Variants in CLEC20A observed in about 807,000 individuals in gnomAD.
The protein encoded by CLEC20A is C-type lectin domain containing 20A.
Position 178,488,206 on chromosome 1 carries a change from C to T in CLEC20A, c.928+295G>A, listed in dbSNP as rs139325648. Among the ~76,000 whole-genome samples, 192 of 152,340 alleles carry T rather than the reference C, an allele frequency of 1.3e-3. 1 individual carries two copies. Among genetic ancestry groups the T allele is most frequent in the South Asian group, 3.3e-3 (16 of 4,828 alleles). On this transcript the variant is annotated intron_variant, in intron 5 of 7. Transcript: ENST00000623247. ...TCAGCCTCTCACCTGAGAGACCGTA[C>T]GGCCTCTCCTGGGTCTCCTGGCCCT... is the stretch of plus-strand genomic sequence containing the variant.
chr1:178,498,120 A>G (rs971084240), upstream of CLEC20A, among the ~76,000 whole-genome samples: 7 of 152,268 alleles, frequency 4.6e-5, no homozygotes, highest in African/African-American at 2.4e-5. Flanking sequence ...GTGAAACAGC[A>G]TGCTCAGGAC....
intron 6 of CLEC20A, 128 bp downstream of exon 6, chr1:178,483,047 A>T: frequency 2.5e-6 from 1 of 395,632 alleles, no homozygotes; most frequent in Non-Finnish European, 4.4e-6. Flanking sequence ...CTTTATTACT[A>T]TCCCTATTCC....
intron 1 of CLEC20A, among the ~76,000 whole-genome samples, 155 bp from the exon 2 acceptor site, chr1:178,494,965 C>T (rs1649351713): frequency 6.6e-6 from 1 of 152,216 alleles, no homozygotes; most frequent in Non-Finnish European, 1.5e-5. Context: ...CTCTACCTCC[C>T]AGCCTTGGCA....
intron 3 of CLEC20A, among the ~76,000 whole-genome samples, chr1:178,491,970 C>A (rs918186861): frequency 6.6e-6 from 1 of 152,078 alleles, no homozygotes; most frequent in African/African-American, 2.4e-5. Context: ...CAGTCACCCT[C>A]CCCTCTGGGC....
At chr1:178,498,051 G>A (rs944970018), upstream of CLEC20A, among the ~76,000 whole-genome samples, 5 of 152,192 alleles carry the variant, frequency 3.3e-5, no homozygotes, top group East Asian at 5.8e-4. Flanking sequence ...ACCACATGAC[G>A]TGAGGGAGAG....
chr1:178,498,779 G>A (rs1649458085), upstream of CLEC20A, among the ~76,000 whole-genome samples: 1 of 152,130 alleles, frequency 6.6e-6, no homozygotes. Flanking sequence ...CAGTCTGGAA[G>A]GCTCTCTTTT....
intron 5 of CLEC20A, 31 bp from the exon 6 acceptor site, chr1:178,483,313 C>A (rs1649039065): frequency 5.0e-6 from 2 of 398,394 alleles, no homozygotes; most frequent in African/African-American, 4.1e-5. Context: ...AGATTTATTG[C>A]AAATACAACC....
intron 4 of CLEC20A, among the ~76,000 whole-genome samples, chr1:178,489,283 A>C (rs906172044): frequency 2.0e-5 from 3 of 152,032 alleles, no homozygotes; most frequent in Non-Finnish European, 2.9e-5. Flanking sequence ...GAATTGCTTG[A>C]ACCCAGGAGG....
chr1:178,499,500 A>G (rs1186580903), upstream of CLEC20A: 2 of 127,870 alleles, frequency 1.6e-5, no homozygotes, highest in Non-Finnish European at 3.0e-5. Context: ...GCAGAAGAAC[A>G]CGGAAAAACT....
At chr1:178,479,590 A>G in exon 8 of CLEC20A, 1 of 398,518 alleles carries the variant, frequency 2.5e-6, no homozygotes, top group African/African-American at 2.1e-5. Flanking sequence ...TTCGTGACCT[A>G]ATGTAAGCTT....
chr1:178,488,633 T>C, intron 4 of CLEC20A, 34 bp from the exon 5 acceptor site: 1 of 398,660 alleles, frequency 2.5e-6, no homozygotes, highest in Non-Finnish European at 4.4e-6. Context: ...GAGGGCAGGG[T>C]CTGCAACACC....
chr1:178,487,306 G>A (rs1022510620), intron 5 of CLEC20A, among the ~76,000 whole-genome samples: 1 of 152,186 alleles, frequency 6.6e-6, no homozygotes, highest in Admixed American at 6.5e-5. Flanking sequence ...AAGACAGGCT[G>A]TTACCCAGCT....
chr1:178,482,084 AAAAAACAAC>A (rs1262919359), intron 7 of CLEC20A: 12 of 368,436 alleles, frequency 3.3e-5, no homozygotes, highest in African/African-American at 2.6e-4. Context: ...CAAAAAAACA[AAAAAACAAC>A]AAAAAAAAAA....
upstream of CLEC20A, among the ~76,000 whole-genome samples, chr1:178,498,002 A>G (rs1649440836): frequency 6.6e-6 from 1 of 152,020 alleles, no homozygotes; most frequent in South Asian, 2.1e-4. Flanking sequence ...TGGACCAGGC[A>G]GGCTTTGCTA....
rs146481746 is a variant in CLEC20A at position 178,488,805 on chromosome 1, G to A, written c.830-206C>T. On this transcript the variant is annotated intron_variant, in intron 4 of 7. Transcript: ENST00000623247. Reference sequence around the variant, plus strand: ...ATCCTCACAGCAAGCAGCTCCTCAGGGAGGAAGAGCATCTTTAAGGATAAG... The same window carrying A: ...ATCCTCACAGCAAGCAGCTCCTCAGAGAGGAAGAGCATCTTTAAGGATAAG... Among the ~76,000 whole-genome samples, 570 of 152,308 alleles carry A rather than the reference G, an allele frequency of 3.7e-3. 4 individuals carry two copies. Among genetic ancestry groups the A allele is most frequent in the Non-Finnish European group, 6.3e-3 (428 of 68,022 alleles).
chr1:178,488,068 A>G (rs1649190688), intron 5 of CLEC20A, among the ~76,000 whole-genome samples: 1 of 152,194 alleles, frequency 6.6e-6, no homozygotes. Flanking sequence ...GGAGCCTGCA[A>G]TTCCGAGGGA....
upstream of CLEC20A, chr1:178,496,983 G>C: frequency 2.5e-6 from 1 of 399,706 alleles, no homozygotes; most frequent in Non-Finnish European, 4.4e-6. Context: ...GGCTGGGCAC[G>C]GGACAAGACC....
At chr1:178,486,375 C>T in intron 5 of CLEC20A, 1 of 398,572 alleles carries the variant, frequency 2.5e-6, no homozygotes, top group Non-Finnish European at 4.4e-6. Context: ...AGGAACTCCC[C>T]AAGATGCTTG....
chr1:178,496,598 A>G lies in CLEC20A; in HGVS notation c.40+302T>C, dbSNP rs187708468. ...TTCCCTGCATTGCACATGCTTCTGA[A>G]GTGACCTGCGCGGCCGTCTCTTTGA... On this transcript the variant is annotated intron_variant, in intron 1 of 7. Coordinates refer to ENST00000623247, the Ensembl canonical transcript of CLEC20A. 5.6e-3 allele frequency: 1,977 copies of G among 350,490 alleles called. 52 individuals carry two copies. The highest frequency in any genetic ancestry group is 0.046 in the Admixed American group (970 of 21,096). 21.7% of individuals were successfully genotyped at this position (350,490 alleles called of 1,614,324 possible).
Sources: allele counts gnomAD v4.1 joint callset (sites outside exome capture counted in the v4.1 genomes callset), GRCh38; gene constraint gnomAD v4.1.1; transcripts MANE v1.5; gene names NCBI Gene and HGNC (gene_info 2026-07-23, HGNC 2026-07-21).